The following ZNF69 variants were observed in gnomAD, a reference collection of about 807,000 sequenced individuals.
The protein encoded by ZNF69 is zinc finger protein 69.
ZNF69 carries 47 observed loss-of-function variants against 50.9 expected under a neutral mutation model. The observed-to-expected ratio is 0.92, with a 90% CI of 0.73 to 1.18. The LOEUF (loss-of-function observed/expected upper bound fraction) is 1.18. Ranked by LOEUF, ZNF69 falls within the 50% of genes most tolerant of loss-of-function variation. The pLI is 0.00. For synonymous variants in ZNF69, 216 were observed against 223.1 expected (o/e 0.97, Z 0.29); for missense variants, 717 against 675.1 (o/e 1.06, Z -0.69).
chr19:11,967,978 A>G, the ZNF69 span, among the ~76,000 whole-genome samples: 2 of 152,210 alleles, frequency 1.3e-5, no homozygotes, highest in South Asian at 2.1e-4. Flanking sequence ...GAAAGCACAT[A>G]CTATTATGAG....
At chr19:11,917,607 CT>C (rs952999924), downstream of ZNF69, among the ~76,000 whole-genome samples, 4 of 151,762 alleles carry the variant, frequency 2.6e-5, no homozygotes, top group Non-Finnish European at 5.9e-5. Context: ...TGGAATTGCT[CT>C]TTCCCCACGC....
At position 11,903,622 on chromosome 19, in the gene ZNF69, G is replaced by T; in HGVS notation, c.113G>T (p.Trp38Leu). 6.2e-7 allele frequency: 1 copy of T among 1,614,126 alleles called. No homozygotes were observed. The highest frequency in any genetic ancestry group is 8.5e-7 in the Non-Finnish European group (1 of 1,180,008). The change falls in exon 2 of 4, where the codon TGG (tryptophan) becomes TTG (leucine). Residue 38 changes from tryptophan to leucine, a missense_variant. Trp to Leu is a moderately conservative substitution (Grantham distance 61, BLOSUM62 -2). Transcript: ENST00000429654. The stretch of plus-strand genomic sequence containing the variant: ...GCTGTGAACTTCACCCAGGAGGAGT[G>T]GGCTTTGCTGGATATTTCCCAGAGG... ...DVAVNFTQEE[W>L]ALLDISQRKL... is the part of the protein sequence containing the mutation.
chr19:11,949,232 G>C, the ZNF69 span: 3 of 1,613,578 alleles, frequency 1.9e-6, no homozygotes, highest in East Asian at 6.7e-5. Flanking sequence ...AATCTTTCCA[G>C]TTCCTTTCGA....
At chr19:11,948,915 A>G in the ZNF69 span, 1 of 1,606,756 alleles carries the variant, frequency 6.2e-7, no homozygotes, top group Non-Finnish European at 8.5e-7. Flanking sequence ...ATAGACATGA[A>G]AGAAGTCACA....
At chr19:11,925,397 T>C in the ZNF69 span, 28 of 1,459,008 alleles carry the variant, frequency 1.9e-5, no homozygotes, top group Non-Finnish European at 2.6e-5. Flanking sequence ...GAGTCCTCCT[T>C]GAGCAGTTCG....
the ZNF69 span, among the ~76,000 whole-genome samples, chr19:11,924,339 A>G: frequency 6.6e-6 from 1 of 150,848 alleles, no homozygotes; most frequent in Non-Finnish European, 1.5e-5. Flanking sequence ...GGCCGAGGTA[A>G]GAGAATGGCG....
At chr19:11,897,544 C>A (rs1463004951) in intron 1 of ZNF69, among the ~76,000 whole-genome samples, 1 of 149,712 alleles carries the variant, frequency 6.7e-6, no homozygotes, top group Non-Finnish European at 1.5e-5. Flanking sequence ...CGCTACACTC[C>A]AGCCTGGGCA....
chr19:11,955,004 T>A, the ZNF69 span, among the ~76,000 whole-genome samples: 1 of 148,844 alleles, frequency 6.7e-6, no homozygotes, highest in African/African-American at 2.5e-5. Flanking sequence ...AAATTTTTTT[T>A]TTTTTTTTTT....
the ZNF69 span, among the ~76,000 whole-genome samples, chr19:11,928,756 G>C: frequency 7.2e-6 from 1 of 138,786 alleles, no homozygotes; most frequent in Admixed American, 7.1e-5. Context: ...AAAAAAGAAA[G>C]TAGTCTCTGT....
chr19:11,974,444 G>A, the ZNF69 span, among the ~76,000 whole-genome samples: 26 of 151,916 alleles, frequency 1.7e-4, no homozygotes, highest in Admixed American at 6.6e-4. Flanking sequence ...TGATCCACCC[G>A]CCTTGGCCTC....
At chr19:11,907,837 GTAAATGGGC>G (rs1281965975), downstream of ZNF69, among the ~76,000 whole-genome samples, 2 of 152,184 alleles carry the variant, frequency 1.3e-5, no homozygotes, top group African/African-American at 4.8e-5. Flanking sequence ...AACCTTCAAT[GTAAATGGGC>G]TAAATGCTCC....
the ZNF69 span, among the ~76,000 whole-genome samples, chr19:11,920,407 T>G: frequency 6.6e-6 from 1 of 152,164 alleles, no homozygotes; most frequent in Non-Finnish European, 1.5e-5. Context: ...GCTACTATGC[T>G]CGCCCTGTTT....
At chr19:11,956,792 T>C in the ZNF69 span, 1 of 374,942 alleles carries the variant, frequency 2.7e-6, no homozygotes, top group Non-Finnish European at 4.7e-6. Context: ...GGGCGGAGGC[T>C]GCAGTGAGCC....
chr19:11,935,282 T>C, the ZNF69 span, among the ~76,000 whole-genome samples: 1 of 139,082 alleles, frequency 7.2e-6, no homozygotes, highest in Non-Finnish European at 1.5e-5. Context: ...TGTTGCCCAG[T>C]CTGGAGTGCA....
chr19:11,943,529 A>G, the ZNF69 span, among the ~76,000 whole-genome samples: 3 of 152,048 alleles, frequency 2.0e-5, no homozygotes, highest in Non-Finnish European at 4.4e-5. Context: ...TCTATTACCT[A>G]GAAAAGAACT....
chr19:11,896,503 G>A (rs1972125300), intron 1 of ZNF69, among the ~76,000 whole-genome samples: 1 of 151,984 alleles, frequency 6.6e-6, no homozygotes, highest in South Asian at 2.1e-4. Context: ...GTCTGGTAAG[G>A]GCCCGCTTCC....
the ZNF69 span, among the ~76,000 whole-genome samples, chr19:11,932,728 C>T: frequency 6.9e-6 from 1 of 145,202 alleles, no homozygotes; most frequent in Non-Finnish European, 1.5e-5. Context: ...AGCTCCGCCT[C>T]CCGGGTTCAC....
chr19:11,944,133 G>C, the ZNF69 span, among the ~76,000 whole-genome samples: 1 of 152,090 alleles, frequency 6.6e-6, no homozygotes, highest in Non-Finnish European at 1.5e-5. Context: ...TAAGCTAATG[G>C]GGCGTTTCTC....
chr19:11,935,787 C>T, the ZNF69 span, among the ~76,000 whole-genome samples: 3 of 152,112 alleles, frequency 2.0e-5, no homozygotes, highest in East Asian at 1.9e-4. Context: ...TAACATGTGC[C>T]GTGTTGGTTT....
Sources: allele counts gnomAD v4.1 joint callset (sites outside exome capture counted in the v4.1 genomes callset), GRCh38; gene constraint gnomAD v4.1.1; transcripts MANE v1.5; gene names NCBI Gene and HGNC (gene_info 2026-07-23, HGNC 2026-07-21).